The following ATXN1 variants were observed in gnomAD, a reference collection of about 807,000 sequenced individuals.
The protein encoded by ATXN1 is ataxin-1.
In ATXN1, 8 loss-of-function variants were observed where a neutral mutation model predicts 56.4. That is an observed-to-expected ratio of 0.14 (90% confidence interval 0.08 to 0.26). The LOEUF is 0.26. Ranked by LOEUF, ATXN1 falls within the 10% of genes least tolerant of loss-of-function variation. The pLI is 1.00. For synonymous variants in ATXN1, 514 were observed against 494.6 expected, an observed-to-expected ratio of 1.04 and a Z score of -0.52; for missense variants, 987 against 1,106.5, an observed-to-expected ratio of 0.89 and a Z score of 1.53.
intron 6 of ATXN1, among the ~76,000 whole-genome samples, chr6:16,388,723 TGTGACCTTTA>T (rs1758290256): frequency 2.0e-5 from 3 of 152,194 alleles, no homozygotes; most frequent in Non-Finnish European, 4.4e-5. Flanking sequence ...TGGAATGCTA[TGTGACCTTTA>T]GTGACTTGTT....
chr6:16,733,551 G>A (rs921936991), intron 2 of ATXN1, among the ~76,000 whole-genome samples: 3 of 151,324 alleles, frequency 2.0e-5, no homozygotes, highest in Non-Finnish European at 4.4e-5. Flanking sequence ...ACAACAGACT[G>A]AGAACTGACC....
intron 6 of ATXN1, among the ~76,000 whole-genome samples, chr6:16,344,715 C>T (rs1761340426): frequency 6.6e-6 from 1 of 152,218 alleles, no homozygotes; most frequent in South Asian, 2.1e-4. Flanking sequence ...CACTGGCTTC[C>T]TTGCTCCTCA....
intron 6 of ATXN1, among the ~76,000 whole-genome samples, chr6:16,407,749 G>A (rs745441848): frequency 1.3e-5 from 2 of 152,120 alleles, no homozygotes; most frequent in Non-Finnish European, 2.9e-5. Context: ...GCAGACACAC[G>A]GTTAACCCAG....
At chr6:16,525,802 A>G (rs1473212223) in intron 4 of ATXN1, among the ~76,000 whole-genome samples, 1 of 151,952 alleles carries the variant, frequency 6.6e-6, no homozygotes, top group Non-Finnish European at 1.5e-5. Flanking sequence ...TACCCACAAA[A>G]AAATTAAAAA....
chr6:16,628,010 G>A (rs142886316), intron 3 of ATXN1, among the ~76,000 whole-genome samples: 21 of 152,298 alleles, frequency 1.4e-4, no homozygotes, highest in Admixed American at 2.6e-4. Context: ...TAGAACAGTA[G>A]ACACCTTCAT....
chr6:16,313,567 T>C (rs1216636020), intron 7 of ATXN1, among the ~76,000 whole-genome samples: 1 of 151,972 alleles, frequency 6.6e-6, no homozygotes, highest in African/African-American at 2.4e-5. Context: ...AATTTTTTTT[T>C]TTTTTTTGAG....
intron 6 of ATXN1, among the ~76,000 whole-genome samples, chr6:16,431,263 A>T (rs980390890): frequency 3.3e-5 from 5 of 152,166 alleles, no homozygotes; most frequent in Non-Finnish European, 7.3e-5. Flanking sequence ...TAAAAAATAT[A>T]CATCTCTTTT....
At chr6:16,604,759 A>C (rs1221781090) in intron 3 of ATXN1, among the ~76,000 whole-genome samples, 2 of 151,734 alleles carry the variant, frequency 1.3e-5, no homozygotes, top group Admixed American at 6.6e-5. Flanking sequence ...CTGATTAAAA[A>C]AAAAAAATGT....
At chr6:16,574,234 C>G (rs1465132910) in intron 4 of ATXN1, among the ~76,000 whole-genome samples, 3 of 152,172 alleles carry the variant, frequency 2.0e-5, no homozygotes, top group Non-Finnish European at 4.4e-5. Context: ...GAGACGGAGT[C>G]TCGCTCTGTC....
At chr6:16,714,126 G>A (rs1173632589) in intron 2 of ATXN1, among the ~76,000 whole-genome samples, 2 of 150,676 alleles carry the variant, frequency 1.3e-5, no homozygotes, top group East Asian at 3.9e-4. Flanking sequence ...CTCCATGCCA[G>A]CCTGGGCGAC....
chr6:16,663,837 T>C (rs1044428587), intron 2 of ATXN1, among the ~76,000 whole-genome samples: 1 of 152,130 alleles, frequency 6.6e-6, no homozygotes, highest in Non-Finnish European at 1.5e-5. Flanking sequence ...GCCAGGAACA[T>C]GTTTTTGATC....
intron 6 of ATXN1, among the ~76,000 whole-genome samples, chr6:16,397,887 G>A (rs1000445209): frequency 2.6e-5 from 4 of 152,024 alleles, no homozygotes; most frequent in South Asian, 2.1e-4. Flanking sequence ...AGAATTTGAC[G>A]GATTACCTCA....
chr6:16,549,664 G>A (rs1466932304), intron 4 of ATXN1, among the ~76,000 whole-genome samples: 1 of 152,132 alleles, frequency 6.6e-6, no homozygotes, highest in Non-Finnish European at 1.5e-5. Flanking sequence ...TTGGGAGGCA[G>A]AGATGGGCGG....
At chr6:16,704,385 T>C (rs978067975) in intron 2 of ATXN1, among the ~76,000 whole-genome samples, 1 of 152,136 alleles carries the variant, frequency 6.6e-6, no homozygotes, top group African/African-American at 2.4e-5. Flanking sequence ...TACAAATCAC[T>C]ACTAACAGCT....
intron 7 of ATXN1, among the ~76,000 whole-genome samples, chr6:16,314,576 G>A (rs990710475): frequency 6.6e-6 from 1 of 151,984 alleles, no homozygotes; most frequent in Admixed American, 6.6e-5. Context: ...ACCCATATGG[G>A]TATTCTCTAT....
intron 3 of ATXN1, among the ~76,000 whole-genome samples, chr6:16,595,807 T>G (rs1762803810): frequency 6.6e-6 from 1 of 152,154 alleles, no homozygotes; most frequent in Non-Finnish European, 1.5e-5. Context: ...TTGAGATTTT[T>G]TGGTGACTAT....
intron 6 of ATXN1, among the ~76,000 whole-genome samples, chr6:16,361,273 G>A (rs960219953): frequency 2.0e-5 from 3 of 152,124 alleles, no homozygotes; most frequent in Non-Finnish European, 4.4e-5. Context: ...AGAAAAGAGA[G>A]GGATGAGAGA....
intron 3 of ATXN1, among the ~76,000 whole-genome samples, chr6:16,648,980 TA>T (rs1332744418): frequency 6.6e-6 from 1 of 151,602 alleles, no homozygotes; most frequent in African/African-American, 2.4e-5. Context: ...ATATATAATA[TA>T]AAATAATATA....
intron 6 of ATXN1, among the ~76,000 whole-genome samples, chr6:16,397,074 A>G (rs1451938306): frequency 6.6e-6 from 1 of 152,198 alleles, no homozygotes; most frequent in Admixed American, 6.5e-5. Context: ...CCCATTATTA[A>G]GTGATGCACG....
Sources: allele counts gnomAD v4.1 joint callset (sites outside exome capture counted in the v4.1 genomes callset), GRCh38; gene constraint gnomAD v4.1.1; transcripts MANE v1.5; gene names NCBI Gene and HGNC (gene_info 2026-07-23, HGNC 2026-07-21).